The following DLGAP1 variants were observed in gnomAD, a reference collection of about 807,000 sequenced individuals.
DLGAP1 encodes the protein DLG associated protein 1.
A neutral mutation model predicts 90.8 loss-of-function variants in DLGAP1; 11 were observed. That is an observed-to-expected ratio of 0.12 (90% CI 0.08 to 0.20). The LOEUF (loss-of-function observed/expected upper bound fraction) is 0.20. Among genes scored for constraint, DLGAP1 ranks in the 10% least tolerant of loss-of-function variants. The probability of loss-of-function intolerance (pLI) is 1.00; values close to 1 mark genes in which losing one functional copy is unlikely to be tolerated. For synonymous variants in DLGAP1, 558 were observed against 540.7 expected (o/e 1.03, Z -0.44); for missense variants, 1,050 against 1,333.8 (o/e 0.79, Z 3.31).
chr18:4,206,292 T>C lies in DLGAP1; in HGVS notation c.-266-55005A>G, dbSNP rs545585731. ...AACAAGCATTGTGAGTTTCTCATGA[T>C]TCCGGAAGTTTTTAAGCTAGGTTAA... is the stretch of plus-strand genomic sequence containing the variant. On this transcript the variant is annotated intron_variant, in intron 1 of 12. Coordinates refer to ENST00000315677, the MANE Select transcript of DLGAP1 (RefSeq NM_004746.4). Among the ~76,000 whole-genome samples, 43 of 152,256 alleles carry C rather than the reference T, an allele frequency of 2.8e-4. 1 individual carries two copies. In the South Asian group the frequency reaches 8.9e-3, roughly 32 times the overall value.
At position 3,499,157 on chromosome 18, in the gene DLGAP1, TGGC is replaced by T. The variant is rs1448635434; in HGVS notation, c.*25_*27del. 3.3e-6 allele frequency: 5 copies of T among 1,510,906 alleles called. No homozygotes were observed. The highest frequency in any genetic ancestry group is 2.1e-5 in the Admixed American group (1 of 48,598). 93.6% of individuals were successfully genotyped at this position (1,510,906 alleles called of 1,614,324 possible). A position where few individuals can be genotyped will look rare whatever the true frequency, so the allele number is the denominator to read the frequency against. ...GCCGGGGGAGGAGGGGACAGATGCT[TGGC>T]GGCGGCGGCCGGGCTGCGGGGCGCT... On this transcript the variant is annotated 3_prime_UTR_variant, in exon 13 of 13. Coordinates refer to ENST00000315677, the MANE Select transcript of DLGAP1 (RefSeq NM_004746.4). This position sits in a 1 kb window ranked among gnomAD's most constrained non-coding sequence, Gnocchi z 6.4.
chr18:4,062,633 G>A (rs76942998), intron 2 of DLGAP1, among the ~76,000 whole-genome samples: 6,888 of 151,850 alleles, frequency 0.045, 215 homozygotes, highest in Non-Finnish European at 0.07. Flanking sequence ...TATTTTTGCC[G>A]TGCTTCATGC....
chr18:4,310,841 C>G (rs1029440096), intron 1 of DLGAP1, among the ~76,000 whole-genome samples: 1 of 152,150 alleles, frequency 6.6e-6, no homozygotes, highest in African/African-American at 2.4e-5. Context: ...TCACATCATT[C>G]TCATATATAA....
At position 3,904,351 on chromosome 18, in the gene DLGAP1, G is replaced by A. The variant is rs200316762; in HGVS notation, c.-72-24211C>T. Among the ~76,000 whole-genome samples the A allele has an allele frequency of 7.2e-5, 11 of 152,286 alleles. No homozygotes were observed. In the East Asian group the frequency reaches 2.1e-3, roughly 29 times the overall value. The stretch of plus-strand genomic sequence containing the variant: ...GTGGCGATGTGGTAGGTGGCACTAA[G>A]GAAGTCTGCAAACACTATGGCAATG... On this transcript the variant is annotated intron_variant, in intron 3 of 12. Transcript: ENST00000315677.
intron 2 of DLGAP1, among the ~76,000 whole-genome samples, chr18:4,132,658 G>T (rs1182908553): frequency 6.6e-6 from 1 of 152,130 alleles, no homozygotes; most frequent in Non-Finnish European, 1.5e-5. Context: ...TCTTCCAAGA[G>T]AGCCTGGTGT....
At chr18:3,947,697 A>T (rs1310067228) in intron 3 of DLGAP1, among the ~76,000 whole-genome samples, 1 of 152,026 alleles carries the variant, frequency 6.6e-6, no homozygotes, top group Non-Finnish European at 1.5e-5. Flanking sequence ...ATTTGGTCAC[A>T]CTCCCCCTGC....
chr18:3,595,974 T>G (rs1233156009), intron 7 of DLGAP1, among the ~76,000 whole-genome samples: 1 of 152,176 alleles, frequency 6.6e-6, no homozygotes, highest in Non-Finnish European at 1.5e-5. Flanking sequence ...CTTCCTGGGT[T>G]GAATGGACTG....
intron 5 of DLGAP1, among the ~76,000 whole-genome samples, chr18:3,801,989 T>G (rs954917604): frequency 2.0e-5 from 2 of 100,020 alleles, no homozygotes; most frequent in African/African-American, 5.6e-5. Context: ...GTTTGTTTGT[T>G]TGTTTGTTTT....
chr18:3,553,056 C>A (rs1368486543), intron 9 of DLGAP1, among the ~76,000 whole-genome samples: 1 of 151,920 alleles, frequency 6.6e-6, no homozygotes, highest in East Asian at 1.9e-4. Flanking sequence ...TTTCAGAAGG[C>A]CTCCAAGATA....
intron 7 of DLGAP1, among the ~76,000 whole-genome samples, chr18:3,710,706 A>C (rs904591046): frequency 1.3e-5 from 2 of 152,242 alleles, no homozygotes; most frequent in African/African-American, 4.8e-5. Flanking sequence ...ATGTGGCAGT[A>C]AGTGTCATGA....
At position 3,742,439 on chromosome 18, in the gene DLGAP1, T is replaced by C; in HGVS notation, c.1246A>G (p.Ile416Val). The C allele has an allele frequency of 3.1e-6, 5 of 1,614,182 alleles. No homozygotes were observed. Among genetic ancestry groups the C allele is most frequent in the Non-Finnish European group, 4.2e-6 (5 of 1,180,020 alleles). ...SYLRAVSEVS[I>V]NRSLDSLDPA... ...TCCAGGCTGTCCAGGCTCCGGTTGA[T>C]GGAGACTTCACTCACTGCCCTCAGG... is the stretch of plus-strand genomic sequence containing the variant. The change falls in exon 6 of 13, where the codon ATC becomes GTC. Residue 416 changes from isoleucine to valine, a missense_variant. Ile to Val is a conservative substitution (Grantham distance 29, BLOSUM62 3). Transcript: ENST00000315677.
At chr18:4,365,404 G>A (rs2081740303) in intron 1 of DLGAP1, among the ~76,000 whole-genome samples, 2 of 152,268 alleles carry the variant, frequency 1.3e-5, no homozygotes, top group Admixed American at 1.3e-4. Flanking sequence ...AGGGCTTGGG[G>A]TGGGGAGGAA....
intron 1 of DLGAP1, among the ~76,000 whole-genome samples, chr18:4,310,271 CTCCT>C (rs1246763825): frequency 1.3e-5 from 2 of 152,086 alleles, no homozygotes; most frequent in African/African-American, 4.8e-5. Context: ...TACACATTTT[CTCCT>C]TTTTTTGTTG....
Position 3,971,245 on chromosome 18 carries a change from G to A in DLGAP1, c.-73+33871C>T, listed in dbSNP as rs150633757. On this transcript the variant is annotated intron_variant, in intron 3 of 12. Coordinates refer to ENST00000315677, the MANE Select transcript of DLGAP1 (RefSeq NM_004746.4). ...AGTAAATTGTTGACCAGTTTGTGAT[G>A]GTAGTTTCTATTATTTCTTTTCAGA... Among the ~76,000 whole-genome samples the A allele has an allele frequency of 1.2e-3, 180 of 152,206 alleles. 2 individuals are homozygous for A. Among genetic ancestry groups the A allele is most frequent in the African/African-American group, 4.1e-3 (169 of 41,512 alleles).
rs571770879 is a variant in DLGAP1 at position 3,999,210 on chromosome 18, A to AT, written c.-73+5905dup. ...TTATACAAAATTGATATATATTTGT[A>AT]TTTTTTATCCCGTCTCCTTTATTAG... On this transcript the variant is annotated intron_variant, in intron 3 of 12. Transcript: ENST00000315677. 8.6e-5 allele frequency among the ~76,000 whole-genome samples: 13 copies of AT among 151,964 alleles called. No individual in the cohort carries two copies. The East Asian group carries it at 2.1e-3, about 25-fold the overall frequency.
intron 5 of DLGAP1, among the ~76,000 whole-genome samples, chr18:3,743,433 C>T (rs1439542881): frequency 6.6e-6 from 1 of 151,878 alleles, no homozygotes; most frequent in Non-Finnish European, 1.5e-5. Context: ...TGGCTCACTG[C>T]AAACTCCACC....
intron 4 of DLGAP1, among the ~76,000 whole-genome samples, chr18:3,862,649 G>A (rs1052976135): frequency 1.3e-5 from 2 of 152,168 alleles, no homozygotes; most frequent in African/African-American, 4.8e-5. Context: ...ACTAATAAAA[G>A]GTGGCTAAGA....
At chr18:4,433,391 C>A (rs943003333) in intron 1 of DLGAP1, among the ~76,000 whole-genome samples, 1 of 152,120 alleles carries the variant, frequency 6.6e-6, no homozygotes, top group Non-Finnish European at 1.5e-5. Flanking sequence ...AAAAAGTGTT[C>A]AATTATCTCG....
At chr18:3,637,216 G>A (rs1360909059) in intron 7 of DLGAP1, among the ~76,000 whole-genome samples, 5 of 152,004 alleles carry the variant, frequency 3.3e-5, no homozygotes, top group Non-Finnish European at 7.3e-5. Context: ...GGGATAGTGA[G>A]TGAGCAAGAA....
Sources: allele counts gnomAD v4.1 joint callset (sites outside exome capture counted in the v4.1 genomes callset), GRCh38; gene constraint gnomAD v4.1.1; non-coding constraint Gnocchi (gnomAD v3.1); transcripts MANE v1.5; gene names NCBI Gene and HGNC (gene_info 2026-07-23, HGNC 2026-07-21).